COPZ2: variants seen among roughly 807,000 people sequenced by gnomAD.
COPZ2 encodes the protein coat protein complex I subunit zeta 2.
Under a neutral mutation model 33.2 loss-of-function variants are expected in COPZ2, and 30 were observed. That is an observed-to-expected ratio of 0.90 (90% CI 0.68 to 1.23). The LOEUF is 1.23. Ranked by LOEUF, COPZ2 falls within the 50% of genes most tolerant of loss-of-function variation. The pLI is 0.00. For synonymous variants in COPZ2, 89 were observed against 102.6 expected (o/e 0.87, Z 0.80); for missense variants, 263 against 262.4 (o/e 1.00, Z -0.02).
intron 2 of COPZ2, among the ~76,000 whole-genome samples, chr17:48,035,776 A>G (rs1224274485): frequency 5.8e-5 from 8 of 137,058 alleles, no homozygotes; most frequent in Non-Finnish European, 9.3e-5. Context: ...TTTTTGAGAC[A>G]GAGTTTCGCT....
At chr17:48,040,586 C>A (rs1230652823), upstream of COPZ2, among the ~76,000 whole-genome samples, 1 of 151,606 alleles carries the variant, frequency 6.6e-6, no homozygotes, top group Non-Finnish European at 1.5e-5. Flanking sequence ...GTGCACACCA[C>A]CACGCCCAGC....
upstream of COPZ2, among the ~76,000 whole-genome samples, chr17:48,040,600 T>G (rs909028064): frequency 2.6e-5 from 4 of 151,394 alleles, no homozygotes; most frequent in Non-Finnish European, 5.9e-5. Flanking sequence ...GCCCAGCTAA[T>G]TTTTGTATTT....
the COPZ2 span, chr17:48,045,462 A>G: frequency 1.3e-5 from 2 of 151,436 alleles, no homozygotes; most frequent in Admixed American, 6.6e-5. Flanking sequence ...TGTTGGCGGC[A>G]GCAGCAGCTT....
In COPZ2 at chr17:48,028,415, C is replaced by T; in HGVS notation, c.585+57G>A. ...TCCCCCTAGGATGCTCTAGGATGCT[C>T]TGCTCCCCGTATCTCTCTAGACCAT... On this transcript the variant is annotated intron_variant, in intron 8 of 8. Transcript: ENST00000621465. This position sits in a 1 kb window ranked among gnomAD's most constrained non-coding sequence, Gnocchi z 4.5. 6.4e-7 allele frequency: 1 copy of T among 1,555,224 alleles called. No homozygotes were observed.
intron 5 of COPZ2, 87 bp from the exon 6 acceptor site, chr17:48,032,320 G>C (rs1598260714): frequency 8.9e-7 from 1 of 1,129,632 alleles, no homozygotes; most frequent in Non-Finnish European, 1.3e-6. Context: ...ACTCTCCAAA[G>C]ACTGCCTCAT....
chr17:48,029,156 G>C lies in COPZ2; in HGVS notation c.515C>G (p.Pro172Arg). ...VDGGVILESD[P>R]QQVIQKVNFR... ...ATTCACCTTCTGGATCACTTGCTGGGGGTCACTCTCCAGAATCACACTACA... is the reference window on the plus strand; with the variant it reads ...ATTCACCTTCTGGATCACTTGCTGGCGGTCACTCTCCAGAATCACACTACA... The change falls in exon 7 of 9, where the codon CCC (proline) becomes CGC (arginine). Residue 172 changes from proline (P) to arginine (R), a missense_variant. Pro to Arg is a moderately radical substitution (Grantham distance 103). Coordinates refer to ENST00000621465, the MANE Select transcript of COPZ2 (RefSeq NM_016429.4). 1 of 1,578,810 alleles carries C rather than the reference G, an allele frequency of 6.3e-7. No homozygotes were observed. Among genetic ancestry groups the C allele is most frequent in the Non-Finnish European group, 8.6e-7 (1 of 1,162,130 alleles).
intron 2 of COPZ2, 103 bp from the exon 3 acceptor site, chr17:48,034,047 G>T: frequency 1.3e-6 from 1 of 755,624 alleles, no homozygotes; most frequent in Non-Finnish European, 2.3e-6. Context: ...GCGGGATCCT[G>T]CTTCCCTGCC....
At chr17:48,043,364 T>G in the COPZ2 span, among the ~76,000 whole-genome samples, 9 of 152,246 alleles carry the variant, frequency 5.9e-5, no homozygotes, top group Admixed American at 2.0e-4. Context: ...TGCTGCCACA[T>G]TTCTGTGCTG....
chr17:48,035,352 T>G (rs577646571), intron 2 of COPZ2, among the ~76,000 whole-genome samples: 2 of 152,184 alleles, frequency 1.3e-5, no homozygotes, highest in Non-Finnish European at 2.9e-5. Flanking sequence ...CGCTGCTTAT[T>G]TGAATTTCAT....
At position 48,032,823 on chromosome 17, in the gene COPZ2, C is replaced by T. The variant is rs184647363; in HGVS notation, c.361-82G>A. 3.8e-3 allele frequency: 4,436 copies of T among 1,164,902 alleles called. 13 individuals are homozygous for T. Among genetic ancestry groups the T allele is most frequent in the Middle Eastern group, 6.0e-3 (26 of 4,298 alleles). The allele number at this position is 1,164,902 out of a possible 1,614,324, so 72.2% of individuals were successfully genotyped here. A position where few individuals can be genotyped will look rare whatever the true frequency, so the allele number is the denominator to read the frequency against. On this transcript the variant is annotated intron_variant, in intron 4 of 8. Transcript: ENST00000621465. ...AAGAAGCACTTGGAGCCCACCTGTG[C>T]GGGCAGCAATGGAGAGTTTCAGAGG...
intron 2 of COPZ2, among the ~76,000 whole-genome samples, chr17:48,035,567 C>T (rs932630280): frequency 2.6e-5 from 4 of 151,460 alleles, no homozygotes; most frequent in Admixed American, 6.6e-5. Context: ...GGCTAATTTT[C>T]GTTTTTTTGT....
intron 6 of COPZ2, chr17:48,029,512 C>T (rs921778960): frequency 1.4e-4 from 55 of 406,780 alleles, no homozygotes; most frequent in Middle Eastern, 6.5e-4. Context: ...ACTTCACTTT[C>T]TGGGTATAGG....
chr17:48,044,326 C>G, the COPZ2 span, among the ~76,000 whole-genome samples: 1 of 150,730 alleles, frequency 6.6e-6, no homozygotes, highest in Non-Finnish European at 1.5e-5. Flanking sequence ...CAGCCTGGAC[C>G]ACAGAGCGAC....
upstream of COPZ2, among the ~76,000 whole-genome samples, chr17:48,040,173 G>A (rs1451235904): frequency 1.6e-5 from 2 of 124,150 alleles, no homozygotes; most frequent in Non-Finnish European, 3.2e-5. Context: ...CCAGGATCAA[G>A]CCATTCTCCT....
At chr17:48,026,527 C>G in intron 8 of COPZ2, 52 bp from the exon 9 acceptor site, 1 of 1,336,198 alleles carries the variant, frequency 7.5e-7, no homozygotes, top group Non-Finnish European at 1.1e-6. Context: ...CAAATGCCTC[C>G]ATACACAGTC....
intron 6 of COPZ2, chr17:48,031,905 A>G (rs1388912453): frequency 3.7e-6 from 2 of 547,046 alleles, no homozygotes; most frequent in Non-Finnish European, 6.6e-6. Context: ...TGCCTATTCA[A>G]CAGTCTCCCA....
At position 48,033,881 on chromosome 17, in the gene COPZ2, T is replaced by C. The variant is rs1202985667; in HGVS notation, c.250A>G (p.Lys84Glu). 6.2e-7 allele frequency: 1 copy of C among 1,610,846 alleles called. No homozygotes were observed. Among genetic ancestry groups the C allele is most frequent in the African/African-American group, 1.3e-5 (1 of 74,992 alleles). The change falls in exon 3 of 9, where the codon AAG becomes GAG. Residue 84 changes from lysine (K) to glutamate (E), a missense_variant. Transcript: ENST00000621465. ...QMVFEKNVFN[K>E]TSRTESEIAF... Reference sequence around the variant, plus strand: ...CACTTACTCTCAGTCCGGCTGGTCTTGTTGAAGACATTTTTCTCGAAAACC... The same window carrying C: ...CACTTACTCTCAGTCCGGCTGGTCTCGTTGAAGACATTTTTCTCGAAAACC...
rs746370267 is a variant in COPZ2 at position 48,032,181 on chromosome 17, C to T, written c.469G>A (p.Val157Met). The stretch of plus-strand genomic sequence containing the variant: ...CCGCCATCCACAATCTCGTCCAGCA[C>T]CAAGAAGGCTCCGTCCATGTTCTCC... The part of the protein sequence containing the change: ...LLENMDGAFL[V>M]LDEIVDGGVI... Residue 157 changes from valine to methionine, a missense_variant, in exon 6 of 9, where the codon GTG becomes ATG. Val to Met is a conservative substitution (Grantham distance 21). Coordinates refer to ENST00000621465, the MANE Select transcript of COPZ2 (RefSeq NM_016429.4). 16 of 1,613,458 alleles carry T rather than the reference C, an allele frequency of 9.9e-6. No individual in the cohort carries two copies. Among genetic ancestry groups the T allele is most frequent in the Admixed American group, 3.3e-5 (2 of 59,944 alleles).
chr17:48,029,541 A>C (rs2036861505), intron 6 of COPZ2: 1 of 315,722 alleles, frequency 3.2e-6, no homozygotes, highest in Admixed American at 5.4e-5. Context: ...CCCTGTGAAA[A>C]GAGTTAGGAA....
Sources: allele counts gnomAD v4.1 joint callset (sites outside exome capture counted in the v4.1 genomes callset), GRCh38; gene constraint gnomAD v4.1.1; non-coding constraint Gnocchi (gnomAD v3.1); transcripts MANE v1.5; gene names NCBI Gene and HGNC (gene_info 2026-07-23, HGNC 2026-07-21).